Variants in SCTR observed in about 807,000 individuals in gnomAD.
SCTR encodes pancreatic secretin receptor.
SCTR carries 56 observed loss-of-function variants against 60.8 expected under a neutral mutation model. That is an observed-to-expected ratio of 0.92 (90% CI 0.74 to 1.15). SCTR has a LOEUF of 1.15. SCTR is among the 50% of genes most tolerant of loss of function. The pLI, the probability that SCTR is intolerant of heterozygous loss-of-function variation, is 0.00. For synonymous variants in SCTR, 202 were observed against 217.0 expected (o/e 0.93, Z 0.61); for missense variants, 562 against 550.4 (o/e 1.02, Z -0.21).
Position 119,446,904 on chromosome 2 carries a change from T to A in SCTR, c.1014-19A>T. 1 of 1,469,716 alleles carries A rather than the reference T, an allele frequency of 6.8e-7. No homozygotes were observed. The highest frequency in any genetic ancestry group is 9.1e-7 in the Non-Finnish European group (1 of 1,103,996). The allele number at this position is 1,469,716 out of a possible 1,614,324, so 91.0% of individuals were successfully genotyped here. ...CAGGCGCCTGGGGACACAGAAAGCC[T>A]GTAGCCTCCACTCTGCCTCCCTGCG... On this transcript the variant is annotated intron_variant, in intron 10 of 12. Transcript: ENST00000019103.
At chr2:119,519,709 G>A (rs777867651) in intron 1 of SCTR, among the ~76,000 whole-genome samples, 6 of 151,002 alleles carry the variant, frequency 4.0e-5, no homozygotes, top group African/African-American at 9.7e-5. Context: ...AGGAGGCTGA[G>A]GCAGGAGAAT....
Position 119,446,824 on chromosome 2 carries a change from C to T in SCTR, c.1075G>A (p.Ala359Thr), listed in dbSNP as rs770050926. 19 of 1,581,698 alleles carry T rather than the reference C, an allele frequency of 1.2e-5. No homozygotes were observed. The highest frequency in any genetic ancestry group is 1.1e-4 in the African/African-American group (8 of 73,454). Residue 359 changes from alanine (A) to threonine (T), a missense_variant, in exon 11 of 13, where the codon GCC becomes ACC. Coordinates refer to ENST00000019103, the MANE Select transcript of SCTR (RefSeq NM_002980.3). Reference protein sequence around the residue: ...PLFGIHYIVFAFSPEDAMEIQ... With the variant: ...PLFGIHYIVFTFSPEDAMEIQ... ...TCCATAGCGTCCTCTGGGGAGAAGG[C>T]GAAGACGATGTAGTGGATGCCAAAG...
intron 3 of SCTR, 139 bp downstream of exon 3, chr2:119,478,672 C>T (rs1677448686): frequency 1.4e-6 from 1 of 736,602 alleles, no homozygotes; most frequent in Non-Finnish European, 2.2e-6. Flanking sequence ...GCTTCTAATC[C>T]TTTGCAGTGA....
chr2:119,520,096 G>T (rs1223488952), intron 1 of SCTR, among the ~76,000 whole-genome samples: 1 of 152,102 alleles, frequency 6.6e-6, no homozygotes, highest in East Asian at 1.9e-4. Flanking sequence ...TAACTTCAGG[G>T]ATAATAAAAA....
intron 1 of SCTR, among the ~76,000 whole-genome samples, chr2:119,517,685 G>A (rs897920176): frequency 4.6e-5 from 7 of 152,202 alleles, no homozygotes; most frequent in Non-Finnish European, 8.8e-5. Context: ...TAGACTTGGG[G>A]AAGTTAACCA....
At chr2:119,440,392 G>A (rs1006955357) in intron 12 of SCTR, 135 bp from the exon 13 acceptor site, 25 of 970,624 alleles carry the variant, frequency 2.6e-5, no homozygotes, top group South Asian at 3.4e-5. Flanking sequence ...TGCAGGCCAC[G>A]CAGATTGACT....
At chr2:119,462,319 C>T (rs1038295333) in intron 6 of SCTR, among the ~76,000 whole-genome samples, 5 of 152,136 alleles carry the variant, frequency 3.3e-5, no homozygotes, top group Admixed American at 6.5e-5. Context: ...AGAACTGTGT[C>T]GGATACTGCC....
At chr2:119,444,318 T>C (rs1376540389) in intron 11 of SCTR, among the ~76,000 whole-genome samples, 3 of 139,796 alleles carry the variant, frequency 2.1e-5, no homozygotes, top group South Asian at 2.2e-4. Flanking sequence ...TATATACACA[T>C]ATATACGTAT....
At position 119,524,277 on chromosome 2, in the gene SCTR, TCTGCCCGCTCGGGAG is replaced by T; in HGVS notation, c.-66_-52del. Reference sequence around the variant, plus strand: ...CCCCGACGTCCGCCTGCCCGTGCCCTCTGCCCGCTCGGGAGCTCAGCGCCCCGCGCAGGGTCCCGG... The same window carrying T: ...CCCCGACGTCCGCCTGCCCGTGCCCTCTCAGCGCCCCGCGCAGGGTCCCGG... On this transcript the variant is annotated 5_prime_UTR_variant, in exon 1 of 13. Transcript: ENST00000019103. 2 of 1,250,068 alleles carry T rather than the reference TCTGCCCGCTCGGGAG, an allele frequency of 1.6e-6. No homozygotes were observed. Among genetic ancestry groups the T allele is most frequent in the Non-Finnish European group, 1.0e-6 (1 of 956,154 alleles). The allele number at this position is 1,250,068 out of a possible 1,614,324, so 77.4% of individuals were successfully genotyped here.
At chr2:119,462,221 C>T (rs2254122) in intron 6 of SCTR, among the ~76,000 whole-genome samples, 88,411 of 152,000 alleles carry the variant, frequency 0.58, 27,448 homozygotes, top group Non-Finnish European at 0.69. Flanking sequence ...TCAAGCTGGC[C>T]AATCAATGAG....
At chr2:119,517,383 C>T (rs1679147781) in intron 1 of SCTR, among the ~76,000 whole-genome samples, 1 of 152,186 alleles carries the variant, frequency 6.6e-6, no homozygotes, top group African/African-American at 2.4e-5. Flanking sequence ...TGGTCTTGAA[C>T]TCCCAGGCTC....
At chr2:119,446,370 T>C (rs1333009497) in intron 11 of SCTR, among the ~76,000 whole-genome samples, 1 of 152,162 alleles carries the variant, frequency 6.6e-6, no homozygotes, top group Non-Finnish European at 1.5e-5. Context: ...ATGAGGACAG[T>C]GTTCTCTTCC....
In SCTR at chr2:119,444,429, G is replaced by GT. The variant is rs1258626683; in HGVS notation, c.1140+2329_1140+2330insA. ...TGAATATATATACCCATATACGTATGAATATACACATATATATACGTACGT... is the reference window on the plus strand; with the variant it reads ...TGAATATATATACCCATATACGTATGTAATATACACATATATATACGTACGT... On this transcript the variant is annotated intron_variant, in intron 11 of 12. Coordinates refer to ENST00000019103, the MANE Select transcript of SCTR (RefSeq NM_002980.3). 3.9e-3 allele frequency among the ~76,000 whole-genome samples: 255 copies of GT among 64,754 alleles called. 38 individuals are homozygous for GT. Among genetic ancestry groups the GT allele is most frequent in the African/African-American group, 0.016 (239 of 15,300 alleles). The allele number at this position is 64,754 out of a possible 152,430, so 42.5% of individuals were successfully genotyped here. A position where few individuals can be genotyped will look rare whatever the true frequency, so the allele number is the denominator to read the frequency against.
At chr2:119,500,704 G>A (rs930319248) in intron 1 of SCTR, among the ~76,000 whole-genome samples, 6 of 152,198 alleles carry the variant, frequency 3.9e-5, no homozygotes, top group African/African-American at 1.4e-4. Context: ...GACTAGATGG[G>A]TGGTTACCAG....
At chr2:119,523,041 C>T (rs563968370) in intron 1 of SCTR, among the ~76,000 whole-genome samples, 1 of 152,092 alleles carries the variant, frequency 6.6e-6, no homozygotes, top group Admixed American at 6.5e-5. Context: ...CTGGTCGGCT[C>T]CGGGAGCATT....
chr2:119,462,075 C>G, intron 6 of SCTR, 75 bp from the exon 7 acceptor site: 1 of 1,452,564 alleles, frequency 6.9e-7, no homozygotes, highest in East Asian at 2.4e-5. Context: ...CCAAAGGGAG[C>G]AACAGGGTGT....
intron 10 of SCTR, among the ~76,000 whole-genome samples, 187 bp from the exon 11 acceptor site, chr2:119,447,072 T>C (rs1018503693): frequency 1.3e-5 from 2 of 152,074 alleles, no homozygotes; most frequent in African/African-American, 4.8e-5. Flanking sequence ...ATCACTCAGA[T>C]ACAACAATTT....
chr2:119,453,891 A>T (rs1683269287), intron 7 of SCTR, among the ~76,000 whole-genome samples: 1 of 152,236 alleles, frequency 6.6e-6, no homozygotes, highest in South Asian at 2.1e-4. Context: ...TAGAGATGAG[A>T]TCAAGTCCAC....
rs550804267 is a variant in SCTR, at chr2:119,463,233, C to T, written c.636+890G>A. 3.3e-5 allele frequency among the ~76,000 whole-genome samples: 5 copies of T among 152,302 alleles called. No homozygotes were observed. In the South Asian group the frequency reaches 1.0e-3, roughly 32 times the overall value. On this transcript the variant is annotated intron_variant, in intron 6 of 12. Transcript: ENST00000019103. Reference sequence around the variant, plus strand: ...AAACTCTATCACCCTGCTTCCTTTGCGATTAAGTGTGGTTACATGACTCAA... The same window carrying T: ...AAACTCTATCACCCTGCTTCCTTTGTGATTAAGTGTGGTTACATGACTCAA...
Sources: gnomAD v4.1 joint callset for allele counts (sites outside exome capture counted in the v4.1 genomes callset) on GRCh38, gnomAD v4.1.1 for gene constraint, MANE v1.5 for transcripts, NCBI Gene and HGNC (gene_info 2026-07-23, HGNC 2026-07-21) for gene names.